The following GPSM2 variants were observed in gnomAD, a reference collection of about 807,000 sequenced individuals.
GPSM2 encodes the protein G protein signaling modulator 2.
Under a neutral mutation model 78.4 loss-of-function variants are expected in GPSM2, and 58 were observed. The ratio of observed to expected loss-of-function variants is 0.74; its 90% confidence interval spans 0.60 to 0.92. The LOEUF is 0.92. Among genes scored for constraint, GPSM2 ranks in the 40% least tolerant of loss-of-function variants. GPSM2 has a pLI of 0.00. For synonymous variants in GPSM2, 224 were observed against 280.2 expected (o/e 0.80, Z 2.00); for missense variants, 700 against 815.5 (o/e 0.86, Z 1.73).
chr1:108,895,415 A>G (rs1220713115), intron 2 of GPSM2, among the ~76,000 whole-genome samples: 1 of 139,518 alleles, frequency 7.2e-6, no homozygotes, highest in Non-Finnish European at 1.5e-5. Context: ...TATTTGTTTA[A>G]TGTGTATTAG....
intron 7 of GPSM2, 135 bp from the exon 8 acceptor site, chr1:108,901,655 G>T: frequency 1.4e-6 from 1 of 735,782 alleles, no homozygotes; most frequent in East Asian, 2.5e-5. Flanking sequence ...AGAAAGTACG[G>T]GATATGAATA....
In GPSM2 at chr1:108,905,884, A is replaced by T. The variant is rs1649181770; in HGVS notation, c.1192+1630A>T. On this transcript the variant is annotated intron_variant, in intron 10 of 14. Transcript: ENST00000264126. ...AGGGAGTGAATTTTTAATATTACTT[A>T]ACTTTGGTTAATTAAAATGTAGAGA... Among the ~76,000 whole-genome samples the T allele has an allele frequency of 3.3e-5, 5 of 152,312 alleles. No homozygotes were observed. The South Asian group carries it at 1.0e-3, about 32-fold the overall frequency.
At position 108,898,115 on chromosome 1, in the gene GPSM2, G is replaced by A. The variant is rs1260492135; in HGVS notation, c.557+14G>A. 6.2e-7 allele frequency: 1 copy of A among 1,611,676 alleles called. No individual in the cohort carries two copies. Among genetic ancestry groups the A allele is most frequent in the South Asian group, 1.1e-5 (1 of 91,006 alleles). ...GGATTTTTATGAGTGAGTAGGGGCT[G>A]ATATGGGCAGTCATGTAGGCCCATC... On this transcript the variant is annotated intron_variant, in intron 5 of 14. Transcript: ENST00000264126.
intron 12 of GPSM2, among the ~76,000 whole-genome samples, chr1:108,920,756 G>C (rs532553244): frequency 6.6e-6 from 1 of 152,224 alleles, no homozygotes; most frequent in South Asian, 2.1e-4. Flanking sequence ...TGTAGGTCTA[G>C]AGCAGGACTG....
At chr1:108,925,541 T>G (rs1570959831) in intron 14 of GPSM2, among the ~76,000 whole-genome samples, 3 of 147,022 alleles carry the variant, frequency 2.0e-5, no homozygotes, top group African/African-American at 5.0e-5. Context: ...TGGGGAGGGG[T>G]GGGGTGTGGT....
At chr1:108,923,416 A>G (rs1650889179) in intron 13 of GPSM2, among the ~76,000 whole-genome samples, 1 of 152,226 alleles carries the variant, frequency 6.6e-6, no homozygotes, top group African/African-American at 2.4e-5. Flanking sequence ...TCAATGCTTC[A>G]TATCTGGATT....
At position 108,889,249 on chromosome 1, in the gene GPSM2, C is replaced by T. The variant is rs994003759; in HGVS notation, c.56+3671C>T. On this transcript the variant is annotated intron_variant, in intron 2 of 14. Coordinates refer to ENST00000264126, the MANE Select transcript of GPSM2 (RefSeq NM_013296.5). ...GGTCATTTATAACCTGATGTATCCACCCTACTGCTGTGTCTGGTTTCCATT... is the reference window on the plus strand; with the variant it reads ...GGTCATTTATAACCTGATGTATCCATCCTACTGCTGTGTCTGGTTTCCATT... Among the ~76,000 whole-genome samples, 6 of 152,200 alleles carry T rather than the reference C, an allele frequency of 3.9e-5. No individual in the cohort carries two copies. In the South Asian group the frequency reaches 1.2e-3, roughly 32 times the overall value.
At chr1:108,926,541 C>T (rs1259129010) in intron 14 of GPSM2, 3 of 152,178 alleles carry the variant, frequency 2.0e-5, no homozygotes, top group Admixed American at 6.5e-5. Flanking sequence ...AAGGATTTTA[C>T]ACCATGACCA....
rs1652355818 is a variant in GPSM2, at chr1:108,933,550, T to C, written c.*3610T>C. On this transcript the variant is annotated 3_prime_UTR_variant, in exon 15 of 15. Transcript: ENST00000264126. ...AGCAAGTGCTTGGGATACAAATATC[T>C]GCATGAAAATTTAAAGACTTTATTC... 6.6e-6 allele frequency: 1 copy of C among 152,280 alleles called. No homozygotes were observed. Among genetic ancestry groups the C allele is most frequent in the African/African-American group, 2.4e-5 (1 of 41,478 alleles). The allele number at this position is 152,280 out of a possible 1,614,324, so 9.4% of individuals were successfully genotyped here.
intron 2 of GPSM2, among the ~76,000 whole-genome samples, chr1:108,889,986 C>T (rs1647856615): frequency 6.6e-6 from 1 of 152,136 alleles, no homozygotes; most frequent in African/African-American, 2.4e-5. Context: ...TCATGCTATG[C>T]CCTATGTTGA....
intron 2 of GPSM2, among the ~76,000 whole-genome samples, chr1:108,891,154 C>T (rs74504137): frequency 0.01 from 1,569 of 152,122 alleles, 27 homozygotes; most frequent in African/African-American, 0.036. Flanking sequence ...ACACTAGTTC[C>T]TCTGGTTTTG....
In GPSM2 at chr1:108,914,258, G is replaced by C. The variant is rs530931038; in HGVS notation, c.1193-80G>C. 3.3e-6 allele frequency: 3 copies of C among 915,778 alleles called. No homozygotes were observed. The South Asian group carries it at 4.1e-5, about 12-fold the overall frequency. 56.7% of individuals were successfully genotyped at this position (915,778 alleles called of 1,614,324 possible). ...ATATGGGTTTGTGTATCAGATTTTA[G>C]AACTGAATAATGTAATGATGCTGAA... On this transcript the variant is annotated intron_variant, in intron 10 of 14. Coordinates refer to ENST00000264126, the MANE Select transcript of GPSM2 (RefSeq NM_013296.5).
At position 108,931,227 on chromosome 1, in the gene GPSM2, A is replaced by AGAT. The variant is rs1254544053; in HGVS notation, c.*1290_*1292dup. ...TAGGACACATAAACAAACAGAAAAC[A>AGAT]GATGAAAACTCACAAAAATTAAATA... On this transcript the variant is annotated 3_prime_UTR_variant, in exon 15 of 15. Transcript: ENST00000264126. 4.5e-6 allele frequency: 6 copies of AGAT among 1,347,212 alleles called. No individual in the cohort carries two copies. In the African/African-American group the frequency reaches 7.4e-5, roughly 17 times the overall value. The allele number at this position is 1,347,212 out of a possible 1,614,324, so 83.5% of individuals were successfully genotyped here. A position where few individuals can be genotyped will look rare whatever the true frequency, so the allele number is the denominator to read the frequency against.
At chr1:108,902,024 C>T in intron 8 of GPSM2, 79 bp downstream of exon 8, 5 of 1,045,674 alleles carry the variant, frequency 4.8e-6, no homozygotes, top group Non-Finnish European at 7.4e-6. Context: ...TCCTTTGTTT[C>T]TTTTCCTTTG....
chr1:108,928,236 A>G (rs759086481), intron 14 of GPSM2, among the ~76,000 whole-genome samples: 1 of 152,262 alleles, frequency 6.6e-6, no homozygotes, highest in African/African-American at 2.4e-5. Flanking sequence ...AAATGGGCAA[A>G]GAACTGGAAG....
In GPSM2 at chr1:108,929,850, C is replaced by CAA; in HGVS notation, c.1966_1967insAA (p.Arg656LysfsTer8). 2 of 1,613,878 alleles carry CAA rather than the reference C, an allele frequency of 1.2e-6. No individual in the cohort carries two copies. Among genetic ancestry groups the CAA allele is most frequent in the South Asian group, 1.1e-5 (1 of 91,080 alleles). On this transcript the variant is annotated frameshift_variant, in exon 15 of 15. Transcript: ENST00000264126. LOFTEE classifies it high-confidence loss of function. Reference sequence around the variant, plus strand: ...GAGTTCTTTTACAAAGAGATCAAAACAGAGACACTGACTTTGGGCTAAAGG... The same window carrying CAA: ...GAGTTCTTTTACAAAGAGATCAAAACAAAGAGACACTGACTTTGGGCTAAAGG...
intron 12 of GPSM2, among the ~76,000 whole-genome samples, chr1:108,919,381 A>T (rs911925548): frequency 5.9e-5 from 9 of 152,140 alleles, no homozygotes; most frequent in Non-Finnish European, 1.5e-5. Flanking sequence ...CTCCCAGTAA[A>T]ACCACCCTCT....
chr1:108,926,044 G>A (rs1651093164), intron 14 of GPSM2, among the ~76,000 whole-genome samples: 3 of 152,158 alleles, frequency 2.0e-5, no homozygotes, highest in Admixed American at 2.0e-4. Context: ...GTAGTCATCA[G>A]TTAAGATTGG....
intron 1 of GPSM2, among the ~76,000 whole-genome samples, chr1:108,879,533 T>C (rs920474549): frequency 2.0e-5 from 3 of 152,190 alleles, no homozygotes; most frequent in African/African-American, 4.8e-5. Context: ...AGGTTCCCCA[T>C]TGTGTAAATA....
Sources: gnomAD v4.1 joint callset for allele counts (sites outside exome capture counted in the v4.1 genomes callset) on GRCh38, gnomAD v4.1.1 for gene constraint, MANE v1.5 for transcripts, NCBI Gene and HGNC (gene_info 2026-07-23, HGNC 2026-07-21) for gene names.